Variants in MAPK10 observed in about 807,000 individuals in gnomAD.
The protein encoded by MAPK10 is mitogen-activated protein kinase 10, also known as JNK3 alpha protein kinase.
Under a neutral mutation model 59.3 loss-of-function variants are expected in MAPK10, and 25 were observed. That is an observed-to-expected ratio of 0.42 (90% confidence interval 0.31 to 0.59). The LOEUF (loss-of-function observed/expected upper bound fraction) is 0.59. Among genes scored for constraint, MAPK10 ranks in the 20% least tolerant of loss-of-function variants. MAPK10 has a pLI of 0.15. For synonymous variants in MAPK10, 190 were observed against 200.5 expected, an observed-to-expected ratio of 0.95 and a Z score of 0.44; for missense variants, 351 against 568.9, an observed-to-expected ratio of 0.62 and a Z score of 3.90.
At chr4:86,035,728 G>A (rs1317093147) in intron 11 of MAPK10, among the ~76,000 whole-genome samples, 4 of 152,190 alleles carry the variant, frequency 2.6e-5, no homozygotes, top group Non-Finnish European at 4.4e-5. Context: ...TACCTGGGAA[G>A]ATGATCGTGT....
chr4:86,018,490 T>C (rs1744499262), intron 13 of MAPK10, among the ~76,000 whole-genome samples: 1 of 152,184 alleles, frequency 6.6e-6, no homozygotes, highest in African/African-American at 2.4e-5. Flanking sequence ...AAATTGTTTA[T>C]CTGTTATGCG....
intron 3 of MAPK10, among the ~76,000 whole-genome samples, chr4:86,168,089 GGCCTAATAGGAACA>G (rs2149250382): frequency 6.6e-6 from 1 of 152,280 alleles, no homozygotes; most frequent in East Asian, 1.9e-4. Context: ...CAGCCAAGAT[GGCCTAATAGGAACA>G]GCTCCAGTCT....
intron 2 of MAPK10, among the ~76,000 whole-genome samples, chr4:86,209,947 AAG>A (rs960564801): frequency 2.6e-5 from 4 of 152,084 alleles, no homozygotes; most frequent in African/African-American, 9.7e-5. Flanking sequence ...AATGGAACAA[AAG>A]AGAGAACCCA....
At chr4:86,204,332 T>C (rs953458226) in intron 2 of MAPK10, among the ~76,000 whole-genome samples, 20 of 152,000 alleles carry the variant, frequency 1.3e-4, no homozygotes, top group Non-Finnish European at 4.4e-5. Context: ...TAGTTTTACA[T>C]CTAAAACTTA....
intron 4 of MAPK10, among the ~76,000 whole-genome samples, chr4:86,137,428 A>G (rs544910383): frequency 7.2e-6 from 1 of 138,514 alleles, no homozygotes; most frequent in Non-Finnish European, 1.5e-5. Context: ...CTGCTCCTGA[A>G]TGACTACTGG....
At chr4:86,201,534 G>A (rs2082621670) in intron 2 of MAPK10, among the ~76,000 whole-genome samples, 2 of 151,908 alleles carry the variant, frequency 1.3e-5, no homozygotes, top group South Asian at 4.1e-4. Context: ...TGTGGATGGA[G>A]AGAAGGCTTT....
chr4:86,291,508 T>G (rs2095226288), intron 2 of MAPK10, among the ~76,000 whole-genome samples: 1 of 152,208 alleles, frequency 6.6e-6, no homozygotes, highest in African/African-American at 2.4e-5. Context: ...CAAGGTTTTA[T>G]TTAAGCAAAG....
intron 2 of MAPK10, among the ~76,000 whole-genome samples, chr4:86,241,552 T>C (rs1257210763): frequency 2.0e-5 from 3 of 152,176 alleles, no homozygotes; most frequent in Non-Finnish European, 4.4e-5. Context: ...TCTATTCTTG[T>C]CTGCATGTCT....
At chr4:86,172,274 C>T (rs1164256425) in intron 3 of MAPK10, among the ~76,000 whole-genome samples, 1 of 143,894 alleles carries the variant, frequency 6.9e-6, no homozygotes, top group Non-Finnish European at 1.5e-5. Context: ...CACATGCACA[C>T]GTATGTTTAT....
chr4:86,174,055 CAG>C (rs2075072181), intron 3 of MAPK10, among the ~76,000 whole-genome samples: 1 of 152,162 alleles, frequency 6.6e-6, no homozygotes, highest in African/African-American at 2.4e-5. Flanking sequence ...CTGTGGAAGA[CAG>C]TGTGGTAATT....
intron 2 of MAPK10, among the ~76,000 whole-genome samples, chr4:86,272,293 C>T (rs974352242): frequency 6.6e-6 from 1 of 152,036 alleles, no homozygotes; most frequent in African/African-American, 2.4e-5. Flanking sequence ...TTGCATCTTT[C>T]CAGCACTATT....
intron 2 of MAPK10, among the ~76,000 whole-genome samples, chr4:86,215,119 CAATT>C (rs1304840867): frequency 1.3e-5 from 2 of 152,122 alleles, no homozygotes. Context: ...CATAAACAAT[CAATT>C]AATTTTCAAC....
intron 1 of MAPK10, among the ~76,000 whole-genome samples, chr4:86,396,492 G>A (rs764750778): frequency 2.0e-5 from 3 of 152,150 alleles, no homozygotes; most frequent in Non-Finnish European, 2.9e-5. Flanking sequence ...AATACACTCT[G>A]TATTTTCAGA....
chr4:86,101,506 G>A (rs1243879279), intron 7 of MAPK10: 1 of 396,320 alleles, frequency 2.5e-6, no homozygotes, highest in Non-Finnish European at 4.6e-6. Flanking sequence ...TTTCTCCTTA[G>A]GACAACATAA....
rs574028717 is a variant in MAPK10, at chr4:86,440,828, C to T, written c.-122+12202G>A. On this transcript the variant is annotated intron_variant, in intron 1 of 13. Transcript: ENST00000361569. Reference sequence around the variant, plus strand: ...GGTATTACATGTTCCTCCTTAACTACATGTGTGCATATGAGTGGGTGTTCG... The same window carrying T: ...GGTATTACATGTTCCTCCTTAACTATATGTGTGCATATGAGTGGGTGTTCG... 4.6e-5 allele frequency among the ~76,000 whole-genome samples: 7 copies of T among 152,222 alleles called. No individual in the cohort carries two copies. In the East Asian group the frequency reaches 1.4e-3, roughly 29 times the overall value.
intron 2 of MAPK10, among the ~76,000 whole-genome samples, chr4:86,345,191 C>T (rs945945477): frequency 1.3e-5 from 2 of 152,150 alleles, no homozygotes; most frequent in African/African-American, 4.8e-5. Context: ...CCCCCTCTTC[C>T]CCTCGTAGCT....
At chr4:86,171,893 C>A (rs1377827762) in intron 3 of MAPK10, among the ~76,000 whole-genome samples, 12 of 151,126 alleles carry the variant, frequency 7.9e-5, no homozygotes, top group Admixed American at 7.9e-4. Flanking sequence ...AAAAAACAAC[C>A]CCATCAAAAA....
rs138888247 is a variant in MAPK10 at position 86,407,170 on chromosome 4, G to A, written c.-122+45860C>T. The stretch of plus-strand genomic sequence containing the variant: ...TTTACCCTATACTAATATTTCTTTA[G>A]AACTTCTTATTTGCCAGGCTTTGTA... On this transcript the variant is annotated intron_variant, in intron 1 of 13. Coordinates refer to the MAPK10 transcript ENST00000361569. Among the ~76,000 whole-genome samples the A allele has an allele frequency of 2.8e-3, 427 of 152,158 alleles. 3 individuals are homozygous for A. Among genetic ancestry groups the A allele is most frequent in the African/African-American group, 9.6e-3 (398 of 41,502 alleles).
chr4:86,247,071 G>T (rs1264553504), intron 2 of MAPK10, among the ~76,000 whole-genome samples: 1 of 152,120 alleles, frequency 6.6e-6, no homozygotes, highest in African/African-American at 2.4e-5. Context: ...TGCCAATTCT[G>T]CCAACCGTCA....
Sources: gnomAD v4.1 joint callset for allele counts (sites outside exome capture counted in the v4.1 genomes callset) on GRCh38, gnomAD v4.1.1 for gene constraint, MANE v1.5 for transcripts, NCBI Gene and HGNC (gene_info 2026-07-23, HGNC 2026-07-21) for gene names.